The following NCBP1 variants were observed in gnomAD, a reference collection of about 807,000 sequenced individuals.
NCBP1 encodes nuclear cap binding protein subunit 1.
In NCBP1, 16 loss-of-function variants were observed where a neutral mutation model predicts 111.7. The ratio of observed to expected loss-of-function variants is 0.14; its 90% CI spans 0.10 to 0.22. The LOEUF (loss-of-function observed/expected upper bound fraction) is 0.22. Among genes scored for constraint, NCBP1 ranks in the 10% least tolerant of loss-of-function variants. The probability of loss-of-function intolerance (pLI) is 1.00; values close to 1 mark genes in which losing one functional copy is unlikely to be tolerated. For missense variants in NCBP1, 607 were observed against 957.5 expected (o/e 0.63, Z 4.83); for synonymous variants, 304 against 314.3 (o/e 0.97, Z 0.35).
intron 19 of NCBP1, among the ~76,000 whole-genome samples, chr9:97,664,934 A>C (rs1827949203): frequency 6.6e-6 from 1 of 152,174 alleles, no homozygotes; most frequent in Non-Finnish European, 1.5e-5. Flanking sequence ...CACAGTCATA[A>C]TCTTAGGTTT....
rs73498335 is a variant in NCBP1 at position 97,645,298 on chromosome 9, C to T, written c.489+74C>T. 9.4e-3 allele frequency: 11,167 copies of T among 1,191,024 alleles called. 725 individuals are homozygous for T. In the African/African-American group the frequency reaches 0.14, roughly 15 times the overall value. 73.8% of individuals were successfully genotyped at this position (1,191,024 alleles called of 1,614,324 possible). On this transcript the variant is annotated intron_variant, in intron 5 of 22. Coordinates refer to ENST00000375147, the MANE Select transcript of NCBP1 (RefSeq NM_002486.5). ...TGAATCCTGGTACTTCCATATAGTA[C>T]CAGGAATTTTTCGCTGATAACCCAT...
At chr9:97,669,570 C>T in intron 21 of NCBP1, 23 bp from the exon 22 acceptor site, 2 of 1,523,488 alleles carry the variant, frequency 1.3e-6, no homozygotes, top group Non-Finnish European at 1.8e-6. Flanking sequence ...GTAGTACTAC[C>T]TTAACTTCTT....
chr9:97,651,263 T>C, intron 9 of NCBP1, 47 bp from the exon 10 acceptor site: 1 of 1,508,146 alleles, frequency 6.6e-7, no homozygotes, highest in East Asian at 2.4e-5. Flanking sequence ...ATTTGACTTT[T>C]CTTGTGTCTT....
chr9:97,640,803 C>G lies in NCBP1; in HGVS notation c.44C>G (p.Pro15Arg), dbSNP rs902054154. The G allele has an allele frequency of 3.7e-6, 6 of 1,605,310 alleles. No individual in the cohort carries two copies. The highest frequency in any genetic ancestry group is 1.3e-5 in the African/African-American group (1 of 74,238). ...TATGTTGCTGAAATAGGTGGGCAGC[C>G]TCACAAAAGGAGAAAGACCTCTGAT... The part of the protein sequence containing the change: ...RHSDENDGGQ[P>R]HKRRKTSDAN... Residue 15 changes from proline to arginine, a missense_variant, in exon 2 of 23, where the codon CCT (proline) becomes CGT (arginine). This residue lies in a region of NCBP1 where 185 missense variants were observed against 272.0 expected (regional missense o/e 0.68). Transcript: ENST00000375147.
rs1409687457 is a variant in NCBP1, at chr9:97,662,941, T to C, written c.1704-13T>C. 2 of 1,589,208 alleles carry C rather than the reference T, an allele frequency of 1.3e-6. No homozygotes were observed. The highest frequency in any genetic ancestry group is 1.7e-6 in the Non-Finnish European group (2 of 1,164,226). On this transcript the variant is annotated splice_polypyrimidine_tract_variant and intron_variant, in intron 17 of 22. Transcript: ENST00000375147. ...AAGTATATATGGTATTTTTTTCCCA[T>C]CATTATCAAAAGGTTTCATGAAGTC...
At chr9:97,637,930 T>C (rs1343275744) in intron 1 of NCBP1, among the ~76,000 whole-genome samples, 1 of 152,220 alleles carries the variant, frequency 6.6e-6, no homozygotes, top group Non-Finnish European at 1.5e-5. Context: ...TTATACCTGC[T>C]TCTCTATACT....
chr9:97,640,955 A>G (rs1163654615), intron 2 of NCBP1, 73 bp downstream of exon 2: 10 of 1,194,630 alleles, frequency 8.4e-6, no homozygotes, highest in Non-Finnish European at 1.2e-5. Flanking sequence ...TAATTTTTGC[A>G]GCTGAAAAGT....
intron 4 of NCBP1, among the ~76,000 whole-genome samples, chr9:97,644,171 A>T (rs1271083972): frequency 6.6e-6 from 1 of 152,202 alleles, no homozygotes; most frequent in African/African-American, 2.4e-5. Context: ...ATATGTGATC[A>T]AATTCTTTTT....
intron 1 of NCBP1, among the ~76,000 whole-genome samples, chr9:97,637,874 T>C (rs1489879022): frequency 1.3e-5 from 2 of 152,232 alleles, no homozygotes; most frequent in African/African-American, 2.4e-5. Context: ...GATTGACTTA[T>C]AGAGGGGAAA....
At chr9:97,658,608 G>A in intron 14 of NCBP1, 32 bp from the exon 15 acceptor site, 2 of 1,516,804 alleles carry the variant, frequency 1.3e-6, no homozygotes, top group Non-Finnish European at 1.8e-6. Flanking sequence ...ACTGATAAAA[G>A]ATATTTTCTG....
chr9:97,641,820 G>A (rs199742174), intron 3 of NCBP1, 158 bp downstream of exon 3: 15 of 538,074 alleles, frequency 2.8e-5, no homozygotes, highest in African/African-American at 1.2e-4. Flanking sequence ...GCGCTTTGGC[G>A]AACTCTTTTT....
intron 20 of NCBP1, among the ~76,000 whole-genome samples, chr9:97,667,242 T>G (rs1828035148): frequency 6.6e-6 from 1 of 152,100 alleles, no homozygotes; most frequent in Non-Finnish European, 1.5e-5. Context: ...CTTAACACTT[T>G]CCCCGTACTG....
At position 97,668,954 on chromosome 9, in the gene NCBP1, C is replaced by A. The variant is rs267602330; in HGVS notation, c.2125C>A (p.Leu709Ile). 6.2e-7 allele frequency: 1 copy of A among 1,610,814 alleles called. No homozygotes were observed. The highest frequency in any genetic ancestry group is 2.2e-5 in the East Asian group (1 of 44,690). ...VESAQSEQKNLFLVIFQRFIM... is the reference protein window; with the variant it reads ...VESAQSEQKNIFLVIFQRFIM... ...ATCTGCTCAGAGTGAACAAAAGAATCTTTTCCTCGTTATATTTCAGGTATC... is the reference window on the plus strand; with the variant it reads ...ATCTGCTCAGAGTGAACAAAAGAATATTTTCCTCGTTATATTTCAGGTATC... Residue 709 changes from leucine to isoleucine, a missense_variant, in exon 21 of 23, where the codon CTT (leucine) becomes ATT (isoleucine). Transcript: ENST00000375147.
chr9:97,639,758 A>G (rs1185695937), intron 1 of NCBP1, among the ~76,000 whole-genome samples: 1 of 152,184 alleles, frequency 6.6e-6, no homozygotes, highest in Non-Finnish European at 1.5e-5. Context: ...TTTATGTTAT[A>G]CCACAAAAGG....
chr9:97,645,110 C>T lies in NCBP1; in HGVS notation c.382-7C>T, dbSNP rs1827297188. On this transcript the variant is annotated splice_polypyrimidine_tract_variant and splice_region_variant and intron_variant, in intron 4 of 22. Coordinates refer to ENST00000375147, the MANE Select transcript of NCBP1 (RefSeq NM_002486.5). Reference sequence around the variant, plus strand: ...GGTTTAATAGCAGAAATTGTTTGCCCCAACAGGTCCGTTTTTTATCTGATC... The same window carrying T: ...GGTTTAATAGCAGAAATTGTTTGCCTCAACAGGTCCGTTTTTTATCTGATC... The T allele has an allele frequency of 6.2e-7, 1 of 1,608,104 alleles. No individual in the cohort carries two copies.
intron 19 of NCBP1, among the ~76,000 whole-genome samples, chr9:97,666,346 A>G (rs2297156): frequency 0.12 from 17,953 of 152,226 alleles, 3,005 homozygotes; most frequent in African/African-American, 0.37. Context: ...TAGTTAAATA[A>G]TATAAAGCAT....
rs530473497 is a variant in NCBP1 at position 97,666,791 on chromosome 9, A to T, written c.1930A>T (p.Thr644Ser). 13 of 1,608,560 alleles carry T rather than the reference A, an allele frequency of 8.1e-6. 1 individual carries two copies. In the East Asian group the frequency reaches 1.1e-4, roughly 14 times the overall value. ...RLFVWEILHS[T>S]IRKMNKHVLK... ...GTTTGTTTGGGAAATTTTGCACTCT[A>T]CAATTCGTAAGATGAACAAACATGT... The change falls in exon 20 of 23, where the codon ACA becomes TCA. Residue 644 changes from threonine to serine, a missense_variant. Physicochemically the swap from Thr to Ser is moderately conservative, Grantham distance 58. Coordinates refer to ENST00000375147, the MANE Select transcript of NCBP1 (RefSeq NM_002486.5).
intron 10 of NCBP1, among the ~76,000 whole-genome samples, chr9:97,652,502 C>T (rs147874226): frequency 6.6e-4 from 100 of 152,328 alleles, no homozygotes; most frequent in African/African-American, 2.2e-3. Flanking sequence ...TGGCACGCAC[C>T]TGTGGTGCCA....
chr9:97,668,710 CGGGGTGGG>C (rs971987387), intron 20 of NCBP1, 128 bp from the exon 21 acceptor site: 395 of 878,084 alleles, frequency 4.5e-4, no homozygotes, highest in Non-Finnish European at 5.8e-4. Flanking sequence ...GTGTGGGTGG[CGGGGTGGG>C]GGGGTACTTT....
Sources: allele counts gnomAD v4.1 joint callset (sites outside exome capture counted in the v4.1 genomes callset), GRCh38; gene constraint gnomAD v4.1.1; regional missense constraint gnomAD v4.1.1; transcripts MANE v1.5; gene names NCBI Gene and HGNC (gene_info 2026-07-23, HGNC 2026-07-21).